The following ZYG11A variants were observed in gnomAD, a reference collection of about 807,000 sequenced individuals.
ZYG11A encodes the protein zyg-11 family member A, cell cycle regulator.
In ZYG11A, 62 loss-of-function variants were observed where a neutral mutation model predicts 77.2. That is an observed-to-expected ratio of 0.80 (90% confidence interval 0.65 to 0.99). The LOEUF (loss-of-function observed/expected upper bound fraction) is 0.99. Ranked by LOEUF, ZYG11A falls within the 50% of genes least tolerant of loss-of-function variation. ZYG11A has a pLI of 0.00. For missense variants in ZYG11A, 828 were observed against 896.8 expected, an observed-to-expected ratio of 0.92 and a Z score of 0.98; for synonymous variants, 315 against 324.6, an observed-to-expected ratio of 0.97 and a Z score of 0.32.
intron 13 of ZYG11A, among the ~76,000 whole-genome samples, chr1:52,892,385 G>A (rs1398464024): frequency 2.6e-5 from 4 of 150,952 alleles, no homozygotes; most frequent in Non-Finnish European, 4.4e-5. Flanking sequence ...AAAATTAGCC[G>A]GGCGTGGTGG....
At chr1:52,865,034 T>C (rs1175080778) in intron 5 of ZYG11A, among the ~76,000 whole-genome samples, 1 of 151,774 alleles carries the variant, frequency 6.6e-6, no homozygotes, top group Non-Finnish European at 1.5e-5. Context: ...CGATCTTGGC[T>C]CACTGCAACC....
chr1:52,863,124 ATTT>A (rs1645961290), intron 4 of ZYG11A, among the ~76,000 whole-genome samples: 2 of 152,200 alleles, frequency 1.3e-5, no homozygotes, highest in East Asian at 3.9e-4. Context: ...TGAAAAATCA[ATTT>A]AGCAATATAC....
At chr1:52,843,732 G>T (rs926990746) in intron 1 of ZYG11A, among the ~76,000 whole-genome samples, 7 of 140,716 alleles carry the variant, frequency 5.0e-5, no homozygotes, top group Admixed American at 3.7e-4. Context: ...CTGTCACCAG[G>T]CTGGAGTGCA....
In ZYG11A at chr1:52,842,913, G is replaced by T; in HGVS notation, c.30G>T (p.Thr10=). ...TTCATTTCTTGCACCCGGGCCACAC[G>T]CCCCGGAACATCGTCCCTCCTGACG... The part of the protein sequence containing the change: MVHFLHPGH[T]PRNIVPPDAQ... Residue 10 remains threonine (T), a synonymous_variant, in exon 1 of 14, where the codon ACG becomes ACT. Coordinates refer to ENST00000371528, the MANE Select transcript of ZYG11A (RefSeq NM_001004339.3). 1 of 1,530,148 alleles carries T rather than the reference G, an allele frequency of 6.5e-7. No homozygotes were observed. Among genetic ancestry groups the T allele is most frequent in the Non-Finnish European group, 8.8e-7 (1 of 1,138,062 alleles). The allele number at this position is 1,530,148 out of a possible 1,614,324, so 94.8% of individuals were successfully genotyped here. A position where few individuals can be genotyped will look rare whatever the true frequency, so the allele number is the denominator to read the frequency against.
chr1:52,888,537 T>C (rs1344541890), intron 13 of ZYG11A, among the ~76,000 whole-genome samples: 1 of 152,182 alleles, frequency 6.6e-6, no homozygotes, highest in Non-Finnish European at 1.5e-5. Flanking sequence ...TTTGTATTTT[T>C]GTTAGAGACA....
At chr1:52,873,423 A>T (rs929046691) in intron 8 of ZYG11A, among the ~76,000 whole-genome samples, 1 of 152,196 alleles carries the variant, frequency 6.6e-6, no homozygotes, top group African/African-American at 2.4e-5. Context: ...GAGGGGTCCA[A>T]TTCTTTAGTG....
At chr1:52,885,760 C>A in intron 11 of ZYG11A, 73 bp from the exon 12 acceptor site, 1 of 1,199,910 alleles carries the variant, frequency 8.3e-7, no homozygotes, top group Non-Finnish European at 1.2e-6. Flanking sequence ...CAATCGTTCC[C>A]AGATTTTGAA....
Position 52,876,459 on chromosome 1 carries a change from A to G in ZYG11A, c.1543-1223A>G, listed in dbSNP as rs554071478. On this transcript the variant is annotated intron_variant, in intron 8 of 13. Coordinates refer to ENST00000371528, the MANE Select transcript of ZYG11A (RefSeq NM_001004339.3). ...AGGCCAGGCACTCTTACGACAACAG[A>G]TAAGTCTCCTCTGTGTCTTAGATTT... 6.6e-5 allele frequency among the ~76,000 whole-genome samples: 10 copies of G among 152,328 alleles called. No individual in the cohort carries two copies. In the East Asian group the frequency reaches 1.5e-3, roughly 23 times the overall value.
intron 2 of ZYG11A, among the ~76,000 whole-genome samples, chr1:52,856,119 A>G (rs1190457192): frequency 6.6e-6 from 1 of 152,078 alleles, no homozygotes; most frequent in Non-Finnish European, 1.5e-5. Context: ...TCTCACCAAG[A>G]CTCATCTGAC....
chr1:52,854,593 A>G lies in ZYG11A; in HGVS notation c.219A>G (p.Glu73=), dbSNP rs1339600540. 6.5e-7 allele frequency: 1 copy of G among 1,547,606 alleles called. No homozygotes were observed. The highest frequency in any genetic ancestry group is 8.7e-7 in the Non-Finnish European group (1 of 1,143,952). ...CLPEHWSFPQ[E]VAERFLRVMT... ...CGGAGCATTGGAGTTTCCCTCAGGAAGTAGCCGAGCGATTTCTCAGGGTGA... is the reference window on the plus strand; with the variant it reads ...CGGAGCATTGGAGTTTCCCTCAGGAGGTAGCCGAGCGATTTCTCAGGGTGA... Residue 73 remains glutamate, a synonymous_variant, in exon 2 of 14, where the codon GAA becomes GAG. Coordinates refer to ENST00000371528, the MANE Select transcript of ZYG11A (RefSeq NM_001004339.3).
chr1:52,859,836 C>T (rs1161132087), intron 3 of ZYG11A, among the ~76,000 whole-genome samples: 5 of 151,882 alleles, frequency 3.3e-5, no homozygotes, highest in African/African-American at 4.8e-5. Flanking sequence ...CACCACCACG[C>T]CCATCTAATT....
intron 13 of ZYG11A, among the ~76,000 whole-genome samples, chr1:52,890,852 G>T (rs1418875354): frequency 6.6e-6 from 1 of 151,874 alleles, no homozygotes; most frequent in Non-Finnish European, 1.5e-5. Context: ...TTACAGGAAT[G>T]AACCACTATG....
chr1:52,884,299 C>A (rs2150020239), intron 11 of ZYG11A, among the ~76,000 whole-genome samples: 1 of 152,082 alleles, frequency 6.6e-6, no homozygotes. Flanking sequence ...GATCGAGATC[C>A]TCCTGGCTAA....
intron 4 of ZYG11A, 133 bp from the exon 5 acceptor site, chr1:52,863,848 A>G (rs961140176): frequency 2.1e-5 from 16 of 775,730 alleles, no homozygotes; most frequent in Non-Finnish European, 3.0e-5. Context: ...GATGTTCTAA[A>G]GAATAAATGC....
chr1:52,875,751 A>T (rs1201000158), intron 8 of ZYG11A, among the ~76,000 whole-genome samples: 2 of 150,596 alleles, frequency 1.3e-5, no homozygotes, highest in African/African-American at 2.5e-5. Context: ...AGTAGAATAA[A>T]GATGTTTGCT....
intron 2 of ZYG11A, 149 bp from the exon 3 acceptor site, chr1:52,856,849 T>C (rs2149994420): frequency 1.2e-5 from 9 of 775,728 alleles, no homozygotes; most frequent in South Asian, 1.1e-4. Context: ...AATAATCTTA[T>C]TAAAGGAGTT....
intron 4 of ZYG11A, among the ~76,000 whole-genome samples, chr1:52,862,983 A>T (rs1645959013): frequency 6.6e-6 from 1 of 152,080 alleles, no homozygotes; most frequent in African/African-American, 2.4e-5. Flanking sequence ...ATGAGGTCTT[A>T]CTGTGTTGCC....
intron 11 of ZYG11A, among the ~76,000 whole-genome samples, chr1:52,882,810 G>A (rs1164863305): frequency 6.6e-6 from 1 of 152,034 alleles, no homozygotes; most frequent in East Asian, 1.9e-4. Context: ...AATCACAATG[G>A]CTTACCCTGT....
rs887215675 is a variant in ZYG11A at position 52,857,172 on chromosome 1, T to C, written c.431T>C (p.Ile144Thr). 2 of 1,552,046 alleles carry C rather than the reference T, an allele frequency of 1.3e-6. No homozygotes were observed. The highest frequency in any genetic ancestry group is 1.7e-6 in the Non-Finnish European group (2 of 1,147,064). The part of the protein sequence containing the change: ...AVHADLPVPD[I>T]ISGLCSNRWI... ...CACGCTGACCTCCCAGTTCCAGACA[T>C]CATAAGTGGACTCTGCAGCAATAGG... The change falls in exon 3 of 14, where the codon ATC (isoleucine) becomes ACC (threonine). Residue 144 changes from isoleucine to threonine, a missense_variant. Transcript: ENST00000371528.
Sources: allele counts gnomAD v4.1 joint callset (sites outside exome capture counted in the v4.1 genomes callset), GRCh38; gene constraint gnomAD v4.1.1; transcripts MANE v1.5; gene names NCBI Gene and HGNC (gene_info 2026-07-23, HGNC 2026-07-21).